Variants in SOCS2 observed in about 807,000 individuals in gnomAD.
SOCS2 encodes the protein suppressor of cytokine signaling 2.
SOCS2 carries 10 observed loss-of-function variants against 18.6 expected under a neutral mutation model. That is an observed-to-expected ratio of 0.54 (90% CI 0.33 to 0.91). SOCS2 has a LOEUF of 0.91. Among genes scored for constraint, SOCS2 ranks in the 40% least tolerant of loss-of-function variants. The pLI, the probability that SOCS2 is intolerant of heterozygous loss-of-function variation, is 0.02. For synonymous variants in SOCS2, 104 were observed against 104.0 expected, an observed-to-expected ratio of 1.00 and a Z score of 0.00; for missense variants, 231 against 247.2, an observed-to-expected ratio of 0.93 and a Z score of 0.44.
the SOCS2 span, among the ~76,000 whole-genome samples, chr12:93,619,808 G>C: frequency 6.6e-6 from 1 of 152,236 alleles, no homozygotes; most frequent in East Asian, 1.9e-4. Flanking sequence ...ATTCCTGCCT[G>C]GAATGCTCTA....
the SOCS2 span, among the ~76,000 whole-genome samples, chr12:93,618,154 T>TCTTTCCAATG: frequency 6.6e-6 from 1 of 152,150 alleles, no homozygotes; most frequent in African/African-American, 2.4e-5. Flanking sequence ...ATGTGCCTGC[T>TCTTTCCAATG]TACCCTTTGC....
chr12:93,595,258 A>C, the SOCS2 span, among the ~76,000 whole-genome samples: 1 of 152,310 alleles, frequency 6.6e-6, no homozygotes, highest in East Asian at 1.9e-4. Context: ...AATGCTTCAC[A>C]TATTTTAACT....
chr12:93,587,417 C>T (rs546328418), downstream of SOCS2, among the ~76,000 whole-genome samples: 62 of 152,252 alleles, frequency 4.1e-4, no homozygotes, highest in Middle Eastern at 3.4e-3. Context: ...CGCAGTGGCT[C>T]ACGCCTGTAA....
upstream of SOCS2, chr12:93,571,798 G>T (rs887951365): frequency 5.9e-5 from 24 of 405,620 alleles, no homozygotes; most frequent in African/African-American, 4.7e-4. Context: ...AAGGGCAGAC[G>T]CCCCTCCTCT....
chr12:93,572,588 A>G (rs1954294089), upstream of SOCS2: 2 of 590,700 alleles, frequency 3.4e-6, no homozygotes, highest in Non-Finnish European at 6.3e-6. This position sits in a 1 kb window ranked among gnomAD's most constrained non-coding sequence, Gnocchi z 5.0. Context: ...GTAGAGGCGG[A>G]GGAGTCCCTG....
At chr12:93,591,267 A>C in the SOCS2 span, among the ~76,000 whole-genome samples, 56 of 151,638 alleles carry the variant, frequency 3.7e-4, no homozygotes, top group Non-Finnish European at 1.5e-4. Flanking sequence ...GAACAAACAA[A>C]AAAAAAAAAA....
downstream of SOCS2, among the ~76,000 whole-genome samples, chr12:93,588,389 C>T (rs1954596907): frequency 6.6e-6 from 1 of 152,116 alleles, no homozygotes; most frequent in Non-Finnish European, 1.5e-5. Context: ...TTGATATTTA[C>T]ATTTTAATAT....
At chr12:93,573,327 C>CCTG in intron 1 of SOCS2, 1 of 519,696 alleles carries the variant, frequency 1.9e-6, no homozygotes, top group South Asian at 3.1e-5. Flanking sequence ...CAGGGTTAGG[C>CCTG]TCCCGGGCTC....
upstream of SOCS2, chr12:93,572,031 C>G (rs1954274877): frequency 4.9e-6 from 1 of 204,126 alleles, no homozygotes; most frequent in South Asian, 5.4e-5. The surrounding 1 kb of genome is among the most constrained non-coding windows in gnomAD (Gnocchi z 5.0). Flanking sequence ...TCCTCGACAG[C>G]GCCCGCGGCG....
chr12:93,599,518 C>T, the SOCS2 span, among the ~76,000 whole-genome samples: 4 of 152,062 alleles, frequency 2.6e-5, no homozygotes, highest in Admixed American at 6.6e-5. Flanking sequence ...AACAATCCTT[C>T]GTTGGATTTT....
chr12:93,607,312 C>T, the SOCS2 span, among the ~76,000 whole-genome samples: 2 of 152,226 alleles, frequency 1.3e-5, no homozygotes, highest in African/African-American at 4.8e-5. Context: ...CCTCCAACCA[C>T]TGGCATCTTC....
the SOCS2 span, among the ~76,000 whole-genome samples, chr12:93,620,011 C>T: frequency 6.6e-6 from 1 of 152,212 alleles, no homozygotes; most frequent in African/African-American, 2.4e-5. Flanking sequence ...ATCTCCTCAA[C>T]TATATTGAAA....
the SOCS2 span, among the ~76,000 whole-genome samples, chr12:93,591,241 TA>T: frequency 5.0e-5 from 6 of 121,020 alleles, no homozygotes; most frequent in Admixed American, 8.5e-5. Flanking sequence ...AGGTGTTTTT[TA>T]AAAAAAAAAC....
chr12:93,621,539 C>T, the SOCS2 span, among the ~76,000 whole-genome samples: 43 of 152,306 alleles, frequency 2.8e-4, no homozygotes, highest in Admixed American at 6.5e-4. Flanking sequence ...CACAGTGGAA[C>T]AATCATAGCT....
the SOCS2 span, among the ~76,000 whole-genome samples, chr12:93,618,229 C>T: frequency 2.0e-5 from 3 of 152,176 alleles, no homozygotes; most frequent in Admixed American, 6.5e-5. Flanking sequence ...GCTTCCTGTA[C>T]AGCCTGCAGG....
chr12:93,584,887 C>G (rs1453154327), downstream of SOCS2, among the ~76,000 whole-genome samples: 1 of 152,058 alleles, frequency 6.6e-6, no homozygotes, highest in Non-Finnish European at 1.5e-5. Flanking sequence ...CTCAGCCTCC[C>G]GAGTAGCTGG....
the SOCS2 span, among the ~76,000 whole-genome samples, chr12:93,613,206 C>A: frequency 4.0e-4 from 61 of 152,164 alleles, no homozygotes; most frequent in African/African-American, 1.3e-3. Flanking sequence ...GAATAAAGAG[C>A]CTTTTAAAAC....
At position 93,572,845 on chromosome 12, in the gene SOCS2, C is replaced by T. The variant is rs1954303991; in HGVS notation, c.-53C>T. On this transcript the variant is annotated 5_prime_UTR_variant, in exon 1 of 2. Transcript: ENST00000551556. The surrounding 1 kb of genome is among the most constrained non-coding windows in gnomAD (Gnocchi z 5.0). ...ACTTCAAGGAAGGACGCGAACCCTT[C>T]TCTGACCCCAGCTCGGGCGGCCACC... is the stretch of plus-strand genomic sequence containing the variant. 2.6e-6 allele frequency: 4 copies of T among 1,554,490 alleles called. No individual in the cohort carries two copies. Among genetic ancestry groups the T allele is most frequent in the Middle Eastern group, 1.7e-4 (1 of 6,002 alleles).
At chr12:93,597,508 G>A in the SOCS2 span, among the ~76,000 whole-genome samples, 1 of 152,126 alleles carries the variant, frequency 6.6e-6, no homozygotes. Context: ...TAGAGATGGG[G>A]CTTTGCCATG....
Sources: gnomAD v4.1 joint callset for allele counts (sites outside exome capture counted in the v4.1 genomes callset) on GRCh38, gnomAD v4.1.1 for gene constraint, Gnocchi (gnomAD v3.1) non-coding constraint, MANE v1.5 for transcripts, NCBI Gene and HGNC (gene_info 2026-07-23, HGNC 2026-07-21) for gene names.